Variants in NALF1 observed in about 807,000 individuals in gnomAD.
The protein encoded by NALF1 is family with sequence similarity 155 member A.
In NALF1, 3 loss-of-function variants were observed where a neutral mutation model predicts 48.4. The ratio of observed to expected loss-of-function variants is 0.06; its 90% CI spans 0.03 to 0.16. The LOEUF is 0.16. NALF1 is among the 10% of genes least tolerant of loss of function. The pLI, the probability that NALF1 is intolerant of heterozygous loss-of-function variation, is 1.00. For synonymous variants in NALF1, 262 were observed against 245.7 expected, an observed-to-expected ratio of 1.07 and a Z score of -0.62; for missense variants, 526 against 571.5, an observed-to-expected ratio of 0.92 and a Z score of 0.81.
intron 1 of NALF1, among the ~76,000 whole-genome samples, chr13:107,620,455 G>T (rs1879490326): frequency 6.6e-6 from 1 of 152,202 alleles, no homozygotes; most frequent in South Asian, 2.1e-4. Flanking sequence ...TCTATAATTA[G>T]ATGTTCACAA....
intron 1 of NALF1, among the ~76,000 whole-genome samples, chr13:107,768,912 C>A (rs1204180925): frequency 2.0e-5 from 3 of 151,998 alleles, no homozygotes; most frequent in African/African-American, 7.3e-5. Context: ...AAGAAGACAT[C>A]TATGCAGCCA....
chr13:107,553,652 TG>T (rs1877366747), intron 1 of NALF1, among the ~76,000 whole-genome samples: 5 of 152,346 alleles, frequency 3.3e-5, no homozygotes, highest in Admixed American at 6.5e-5. Context: ...AATATTCATT[TG>T]GCATTTAAAT....
chr13:107,514,896 C>T (rs768924335), intron 1 of NALF1, among the ~76,000 whole-genome samples: 2 of 152,154 alleles, frequency 1.3e-5, no homozygotes, highest in Non-Finnish European at 2.9e-5. Context: ...TGGTAGGCAG[C>T]AGAGAATAGA....
intron 1 of NALF1, among the ~76,000 whole-genome samples, chr13:107,492,422 G>A (rs1436739648): frequency 2.0e-5 from 3 of 152,012 alleles, no homozygotes; most frequent in Admixed American, 6.6e-5. Context: ...GATGGTCTAC[G>A]AACCCTACAG....
intron 1 of NALF1, among the ~76,000 whole-genome samples, chr13:107,735,406 T>C (rs551613588): frequency 6.6e-6 from 1 of 152,342 alleles, no homozygotes; most frequent in East Asian, 1.9e-4. Flanking sequence ...CAGCCAGGAT[T>C]TGAGTTTTGG....
In NALF1 at chr13:107,381,718, C is replaced by T. The variant is rs189612985; in HGVS notation, c.916-170963G>A. Among the ~76,000 whole-genome samples the T allele has an allele frequency of 5.9e-4, 90 of 152,242 alleles. 2 individuals are homozygous for T. The East Asian group carries it at 0.011, about 19-fold the overall frequency. On this transcript the variant is annotated intron_variant, in intron 1 of 2. Transcript: ENST00000375915. The stretch of plus-strand genomic sequence containing the variant: ...AAGTTCCTCTGATGATGCCTGGGGG[C>T]ACCAGGAGAAAGGTGACTCGACTCT...
Position 107,865,988 on chromosome 13 carries a change from G to A in NALF1, c.609C>T (p.Asp203=), listed in dbSNP as rs1280710938. 5.6e-6 allele frequency: 9 copies of A among 1,612,170 alleles called. No individual in the cohort carries two copies. In the Admixed American group the frequency reaches 1.3e-4, roughly 24 times the overall value. ...RNWSRGAAGG[D]GQEVRSKHPT... Reference sequence around the variant, plus strand: ...GATGCTTGCTCCTCACCTCCTGCCCGTCCCCCCCGGCCGCCCCCCGACTCC... The same window carrying A: ...GATGCTTGCTCCTCACCTCCTGCCCATCCCCCCCGGCCGCCCCCCGACTCC... Residue 203 remains aspartate, a synonymous_variant, in exon 1 of 3, where the codon GAC becomes GAT. Transcript: ENST00000375915.
intron 1 of NALF1, among the ~76,000 whole-genome samples, chr13:107,381,231 T>G (rs997107435): frequency 6.6e-6 from 1 of 151,104 alleles, no homozygotes; most frequent in African/African-American, 2.4e-5. Context: ...GACAAATTCT[T>G]GCTCTGTTGC....
chr13:107,656,317 CACAA>C, intron 1 of NALF1, among the ~76,000 whole-genome samples: 1 of 151,576 alleles, frequency 6.6e-6, no homozygotes, highest in South Asian at 2.1e-4. Flanking sequence ...GCAAGAAAAC[CACAA>C]ACAATCCCAT....
chr13:107,434,449 CCA>C (rs1207819494), intron 1 of NALF1, among the ~76,000 whole-genome samples: 1 of 152,126 alleles, frequency 6.6e-6, no homozygotes, highest in African/African-American at 2.4e-5. Context: ...TTGTAGGAGA[CCA>C]TACGATTTGG....
intron 1 of NALF1, among the ~76,000 whole-genome samples, chr13:107,465,003 T>G (rs1236991837): frequency 6.6e-6 from 1 of 152,158 alleles, no homozygotes; most frequent in African/African-American, 2.4e-5. Flanking sequence ...TTTTTCACTA[T>G]TGATTGATCC....
chr13:107,751,735 T>G (rs1049566183), intron 1 of NALF1, among the ~76,000 whole-genome samples: 12 of 152,108 alleles, frequency 7.9e-5, no homozygotes, highest in African/African-American at 2.9e-4. Context: ...ACACAGAAAT[T>G]TATACAGTTT....
intron 1 of NALF1, among the ~76,000 whole-genome samples, chr13:107,518,589 C>T (rs1876136858): frequency 6.6e-6 from 1 of 152,084 alleles, no homozygotes; most frequent in African/African-American, 2.4e-5. Context: ...AAGCTACAAA[C>T]CAAAGGTACC....
At chr13:107,727,870 G>T (rs1340923442) in intron 1 of NALF1, among the ~76,000 whole-genome samples, 1 of 152,074 alleles carries the variant, frequency 6.6e-6, no homozygotes, top group Non-Finnish European at 1.5e-5. Flanking sequence ...GTGGGCAAAG[G>T]ATATGAACAG....
intron 1 of NALF1, among the ~76,000 whole-genome samples, chr13:107,500,333 G>T (rs1234063130): frequency 6.6e-6 from 1 of 152,106 alleles, no homozygotes. Flanking sequence ...GTGTTGGCAG[G>T]TTAGAGTTTG....
At chr13:107,233,454 A>G (rs1299289493) in intron 1 of NALF1, among the ~76,000 whole-genome samples, 1 of 152,232 alleles carries the variant, frequency 6.6e-6, no homozygotes, top group Non-Finnish European at 1.5e-5. Flanking sequence ...AGTAGAATGT[A>G]TGAAGGTATC....
intron 1 of NALF1, among the ~76,000 whole-genome samples, chr13:107,463,152 T>C (rs545804235): frequency 6.6e-6 from 1 of 152,340 alleles, no homozygotes; most frequent in East Asian, 1.9e-4. Context: ...GATACAGTGC[T>C]TTGTGATTTT....
chr13:107,721,717 C>T (rs1875991331), intron 1 of NALF1, among the ~76,000 whole-genome samples: 1 of 152,068 alleles, frequency 6.6e-6, no homozygotes, highest in South Asian at 2.1e-4. Context: ...TGGGGAGATC[C>T]CCCATTTGCA....
intron 1 of NALF1, among the ~76,000 whole-genome samples, chr13:107,749,050 T>C (rs971126955): frequency 6.6e-6 from 1 of 152,006 alleles, no homozygotes; most frequent in African/African-American, 2.4e-5. Context: ...AGAATGCTAT[T>C]CCTGAAAGAT....
Sources: gnomAD v4.1 joint callset for allele counts (sites outside exome capture counted in the v4.1 genomes callset) on GRCh38, gnomAD v4.1.1 for gene constraint, MANE v1.5 for transcripts, NCBI Gene and HGNC (gene_info 2026-07-23, HGNC 2026-07-21) for gene names.